PLCE1: variants seen among roughly 807,000 people sequenced by gnomAD.
PLCE1 encodes the protein 1-phosphatidylinositol 4,5-bisphosphate phosphodiesterase epsilon-1.
In PLCE1, 119 loss-of-function variants were observed where a neutral mutation model predicts 242.8. The ratio of observed to expected loss-of-function variants is 0.49; its 90% CI spans 0.42 to 0.57. The LOEUF is 0.57. Among genes scored for constraint, PLCE1 ranks in the 20% least tolerant of loss-of-function variants. PLCE1 has a pLI of 0.00. For synonymous variants in PLCE1, 945 were observed against 1,017.4 expected, an observed-to-expected ratio of 0.93 and a Z score of 1.35; for missense variants, 2,441 against 2,788.8, an observed-to-expected ratio of 0.88 and a Z score of 2.81.
At position 94,010,359 on chromosome 10, in the gene PLCE1, A is replaced by C. The variant is rs545255052; in HGVS notation, c.-365+16101A>C. Among the ~76,000 whole-genome samples the C allele has an allele frequency of 3.9e-5, 6 of 152,296 alleles. No homozygotes were observed. In the South Asian group the frequency reaches 8.3e-4, roughly 21 times the overall value. ...CCTTAGCCTCTGAGCCTGCAATGGG[A>C]GGGGCAGCTTGGAAGATCTGAAATG... On this transcript the variant is annotated intron_variant, in intron 1 of 32. Coordinates refer to ENST00000371380, the MANE Select transcript of PLCE1 (RefSeq NM_016341.4).
intron 3 of PLCE1, among the ~76,000 whole-genome samples, chr10:94,154,806 A>T (rs2047377850): frequency 6.6e-6 from 1 of 151,638 alleles, no homozygotes; most frequent in African/African-American, 2.4e-5. Flanking sequence ...TAGGAGGCCA[A>T]GGTGGAAAGA....
chr10:94,306,681 A>G lies in PLCE1; in HGVS notation c.5877A>G (p.Leu1959=). ...TAQRIIPLKA[L]KRGYRHLQLR... is the part of the protein sequence containing the mutation. ...AGAGAATCATTCCACTGAAAGCTTT[A>G]AAACGAGGTAGAATAAAATTGTCCA... The change falls in exon 26 of 33, where the codon TTA becomes TTG. Residue 1959 remains leucine, a synonymous_variant. Transcript: ENST00000371380. The surrounding 1 kb of genome is among the most constrained non-coding windows in gnomAD (Gnocchi z 5.7). The G allele has an allele frequency of 6.2e-7, 1 of 1,613,014 alleles. No individual in the cohort carries two copies. The highest frequency in any genetic ancestry group is 1.3e-5 in the African/African-American group (1 of 75,034).
intron 2 of PLCE1, among the ~76,000 whole-genome samples, chr10:94,048,985 AACTCCTGAGCTCAAGCTAT>A (rs1418818866): frequency 6.6e-6 from 1 of 151,598 alleles, no homozygotes; most frequent in Non-Finnish European, 1.5e-5. Context: ...GCTGGTCTTG[AACTCCTGAGCTCAAGCTAT>A]GCTCCTGCCT....
At chr10:94,093,968 G>A (rs2045194493) in intron 2 of PLCE1, among the ~76,000 whole-genome samples, 1 of 126,964 alleles carries the variant, frequency 7.9e-6, no homozygotes, top group Non-Finnish European at 1.6e-5. Flanking sequence ...TTGAGACGGA[G>A]TCTCGCTCTG....
rs541183770 is a variant in PLCE1, at chr10:94,119,213, A to T, written c.1207-12961A>T. ...TAATAAAAGGAAACCACCAAGCTAT[A>T]GGAAATCTTAGAAGTCATCATCTCT... On this transcript the variant is annotated intron_variant, in intron 2 of 32. Coordinates refer to ENST00000371380, the MANE Select transcript of PLCE1 (RefSeq NM_016341.4). 1.7e-4 allele frequency among the ~76,000 whole-genome samples: 26 copies of T among 152,264 alleles called. No individual in the cohort carries two copies. The South Asian group carries it at 5.4e-3, about 32-fold the overall frequency.
intron 8 of PLCE1, among the ~76,000 whole-genome samples, chr10:94,248,606 A>T (rs535836907): frequency 8.6e-5 from 13 of 151,758 alleles, no homozygotes; most frequent in African/African-American, 3.1e-4. Flanking sequence ...AAACAAACAA[A>T]CAAAAAATAC....
intron 2 of PLCE1, among the ~76,000 whole-genome samples, chr10:94,115,216 G>T (rs139076179): frequency 6.6e-6 from 1 of 151,988 alleles, no homozygotes; most frequent in African/African-American, 2.4e-5. Context: ...TGAATAGTGC[G>T]GCAATAAACA....
chr10:94,070,448 A>G (rs1486990455), intron 2 of PLCE1, among the ~76,000 whole-genome samples: 2 of 152,094 alleles, frequency 1.3e-5, no homozygotes, highest in Admixed American at 1.3e-4. Flanking sequence ...GCTCCATCCT[A>G]AGGAGGAAGA....
At chr10:94,239,419 A>C (rs1162627591) in intron 7 of PLCE1, among the ~76,000 whole-genome samples, 1 of 152,174 alleles carries the variant, frequency 6.6e-6, no homozygotes, top group Non-Finnish European at 1.5e-5. Flanking sequence ...GGATGCAGCA[A>C]GGCTTCACCT....
intron 19 of PLCE1, among the ~76,000 whole-genome samples, chr10:94,279,042 A>G (rs1231934193): frequency 6.6e-6 from 1 of 152,166 alleles, no homozygotes; most frequent in African/African-American, 2.4e-5. Flanking sequence ...ACCATTGCTT[A>G]CTGACCCCGT....
chr10:94,135,802 A>G (rs747675330), intron 3 of PLCE1, among the ~76,000 whole-genome samples: 9 of 152,260 alleles, frequency 5.9e-5, no homozygotes, highest in Admixed American at 1.3e-4. Context: ...ATGAGTAAAG[A>G]GTTAAACTTT....
At chr10:94,263,865 C>T (rs2051406615) in intron 14 of PLCE1, among the ~76,000 whole-genome samples, 1 of 152,016 alleles carries the variant, frequency 6.6e-6, no homozygotes, top group Non-Finnish European at 1.5e-5. Flanking sequence ...AGGTCCCAGG[C>T]TTTCTCTAAC....
chr10:94,041,134 G>A (rs1337771088), intron 2 of PLCE1, among the ~76,000 whole-genome samples: 1 of 151,968 alleles, frequency 6.6e-6, no homozygotes, highest in Admixed American at 6.6e-5. Flanking sequence ...CTTTCTCTTG[G>A]TGGTCTTCTC....
At chr10:94,264,473 TA>T (rs1363289079) in intron 14 of PLCE1, among the ~76,000 whole-genome samples, 1 of 150,656 alleles carries the variant, frequency 6.6e-6, no homozygotes, top group Non-Finnish European at 1.5e-5. Flanking sequence ...TGAAATGGGA[TA>T]CCACTGAAAT....
chr10:94,238,504 G>C (rs1460546003), intron 7 of PLCE1, among the ~76,000 whole-genome samples: 1 of 152,184 alleles, frequency 6.6e-6, no homozygotes, highest in Admixed American at 6.5e-5. Flanking sequence ...TTTGATTGTA[G>C]AGAGACTAAC....
chr10:94,183,378 T>C (rs1474465819), intron 4 of PLCE1, among the ~76,000 whole-genome samples: 1 of 151,518 alleles, frequency 6.6e-6, no homozygotes, highest in African/African-American at 2.5e-5. Flanking sequence ...CAGACAAAGC[T>C]CCTGCCCCAC....
intron 2 of PLCE1, among the ~76,000 whole-genome samples, chr10:94,114,669 G>A (rs1338481731): frequency 6.6e-6 from 1 of 151,368 alleles, no homozygotes; most frequent in Non-Finnish European, 1.5e-5. Flanking sequence ...CAGTATAGCT[G>A]TTCTTTTCTT....
At chr10:94,201,642 AT>A (rs201495424) in intron 4 of PLCE1, among the ~76,000 whole-genome samples, 1 of 151,808 alleles carries the variant, frequency 6.6e-6, no homozygotes, top group African/African-American at 2.4e-5. Flanking sequence ...AGCCCGGCTA[AT>A]TTTTTTTGGT....
intron 4 of PLCE1, among the ~76,000 whole-genome samples, chr10:94,222,647 G>GCGA (rs2049794139): frequency 6.6e-6 from 1 of 152,020 alleles, no homozygotes; most frequent in African/African-American, 2.4e-5. Flanking sequence ...GGGCCAGGGC[G>GCGA]TGAGTACAAG....
Sources: allele counts gnomAD v4.1 joint callset (sites outside exome capture counted in the v4.1 genomes callset), GRCh38; gene constraint gnomAD v4.1.1; non-coding constraint Gnocchi (gnomAD v3.1); transcripts MANE v1.5; gene names NCBI Gene and HGNC (gene_info 2026-07-23, HGNC 2026-07-21).